MYT1L: variants seen among roughly 807,000 people sequenced by gnomAD.
MYT1L encodes myelin transcription factor 1-like protein.
In MYT1L, 12 loss-of-function variants were observed where a neutral mutation model predicts 126.7. That is an observed-to-expected ratio of 0.09 (90% confidence interval 0.06 to 0.15). MYT1L has a LOEUF of 0.15. MYT1L is among the 10% of genes least tolerant of loss of function. The pLI is 1.00. For missense variants in MYT1L, 979 were observed against 1,585.2 expected (o/e 0.62, Z 6.49); for synonymous variants, 541 against 604.2 (o/e 0.90, Z 1.53).
chr2:1,996,138 C>T (rs555374470), intron 5 of MYT1L, among the ~76,000 whole-genome samples: 1 of 152,308 alleles, frequency 6.6e-6, no homozygotes, highest in East Asian at 1.9e-4. Flanking sequence ...GGTTTGTGGA[C>T]AATGTGGTCT....
chr2:1,886,207 T>C (rs2048152625), intron 18 of MYT1L: 1 of 221,322 alleles, frequency 4.5e-6, no homozygotes, highest in Non-Finnish European at 8.8e-6. Flanking sequence ...TTTGATTATT[T>C]ACAGTCATTT....
At chr2:2,185,557 A>G (rs2092034848) in intron 2 of MYT1L, among the ~76,000 whole-genome samples, 1 of 141,654 alleles carries the variant, frequency 7.1e-6, no homozygotes, top group Non-Finnish European at 1.5e-5. Flanking sequence ...GGCCTCCTCG[A>G]GTCCCGCGTT....
At position 1,806,206 on chromosome 2, in the gene MYT1L, T is replaced by G. The variant is rs1257030414; in HGVS notation, c.3172+2870A>C. Among the ~76,000 whole-genome samples the G allele has an allele frequency of 6.6e-6, 1 of 152,154 alleles. No individual in the cohort carries two copies. The highest frequency in any genetic ancestry group is 1.5e-5 in the Non-Finnish European group (1 of 68,022). On this transcript the variant is annotated intron_variant, in intron 22 of 24. Transcript: ENST00000647738. The surrounding 1 kb of genome is among the most constrained non-coding windows in gnomAD (Gnocchi z 4.9). ...CTATCTCAGTTTGGTGCAAACAGTG[T>G]CAGGAATCGACAGCCCCAGGCATCA...
At chr2:2,276,876 G>C (rs567225141) in intron 2 of MYT1L, among the ~76,000 whole-genome samples, 1 of 152,078 alleles carries the variant, frequency 6.6e-6, no homozygotes, top group East Asian at 1.9e-4. Context: ...GCATCCAAAG[G>C]AACACTCCTG....
Position 2,004,627 on chromosome 2 carries a change from C to T in MYT1L, c.-157-7280G>A, listed in dbSNP as rs368975408. Among the ~76,000 whole-genome samples the T allele has an allele frequency of 1.9e-3, 238 of 126,244 alleles. 5 individuals are homozygous for T. The highest frequency in any genetic ancestry group is 6.9e-3 in the African/African-American group (223 of 32,482). 82.8% of individuals were successfully genotyped at this position (126,244 alleles called of 152,430 possible). Reference sequence around the variant, plus strand: ...CCTGCAGGCATTCTTTCCTGTGTGCCTTCTTTCCTGCAGGCATTCTTTCCT... The same window carrying T: ...CCTGCAGGCATTCTTTCCTGTGTGCTTTCTTTCCTGCAGGCATTCTTTCCT... On this transcript the variant is annotated intron_variant, in intron 4 of 24. Coordinates refer to ENST00000647738, the MANE Select transcript of MYT1L (RefSeq NM_001303052.2).
chr2:2,017,914 C>T (rs991969429), intron 4 of MYT1L, among the ~76,000 whole-genome samples: 2 of 152,248 alleles, frequency 1.3e-5, no homozygotes, highest in East Asian at 3.9e-4. Context: ...ATTTAAGTAC[C>T]TGTTTCACCT....
intron 8 of MYT1L, among the ~76,000 whole-genome samples, chr2:1,960,177 C>A (rs529890083): frequency 1.3e-5 from 2 of 152,088 alleles, no homozygotes; most frequent in Non-Finnish European, 2.9e-5. Flanking sequence ...AGTGGAAAGA[C>A]GACATACAAG....
intron 2 of MYT1L, among the ~76,000 whole-genome samples, chr2:2,262,939 G>GACATATATATATATATATATATATAT (rs1466512652): frequency 3.8e-5 from 2 of 51,992 alleles, no homozygotes; most frequent in African/African-American, 1.7e-4. Flanking sequence ...TATAACCTGT[G>GACATATATATATATATATATATATAT]ATATATATAT....
chr2:1,792,055 T>C (rs1275605134), intron 24 of MYT1L, 48 bp from the exon 25 acceptor site: 2 of 1,394,004 alleles, frequency 1.4e-6, no homozygotes, highest in South Asian at 1.4e-5. Flanking sequence ...ATTTTCTTAA[T>C]AGTATATTTA....
chr2:2,252,186 G>A (rs1335694842), intron 2 of MYT1L, among the ~76,000 whole-genome samples: 2 of 152,126 alleles, frequency 1.3e-5, no homozygotes, highest in Non-Finnish European at 2.9e-5. Flanking sequence ...CGTTCTCAAG[G>A]AGGGTGTCCA....
intron 19 of MYT1L, among the ~76,000 whole-genome samples, chr2:1,843,214 T>C (rs1278964078): frequency 6.6e-6 from 1 of 152,240 alleles, no homozygotes; most frequent in Non-Finnish European, 1.5e-5. Flanking sequence ...CTGGCTGTCC[T>C]CACAGTGCGG....
chr2:2,061,331 C>A (rs1027397150), intron 3 of MYT1L, among the ~76,000 whole-genome samples: 10 of 152,188 alleles, frequency 6.6e-5, no homozygotes, highest in African/African-American at 2.4e-4. Context: ...AGGGGCTTAA[C>A]CTCTGGTGAC....
chr2:2,186,525 A>C (rs572412917), intron 2 of MYT1L, among the ~76,000 whole-genome samples: 1 of 152,176 alleles, frequency 6.6e-6, no homozygotes, highest in African/African-American at 2.4e-5. Context: ...CTTTGCCCCC[A>C]TCACTACCAT....
At chr2:2,221,841 G>A (rs781495023) in intron 2 of MYT1L, among the ~76,000 whole-genome samples, 7 of 152,150 alleles carry the variant, frequency 4.6e-5, no homozygotes, top group Admixed American at 2.0e-4. Flanking sequence ...TTTAATTTTC[G>A]AAGGAGCAGA....
chr2:2,013,319 C>G (rs758066870), intron 4 of MYT1L, among the ~76,000 whole-genome samples: 124 of 152,128 alleles, frequency 8.2e-4, no homozygotes, highest in Non-Finnish European at 1.4e-3. Flanking sequence ...ATGGGAACCC[C>G]CTTTGTGCCC....
intron 21 of MYT1L, among the ~76,000 whole-genome samples, chr2:1,817,496 G>T (rs1256264926): frequency 6.6e-6 from 1 of 152,242 alleles, no homozygotes; most frequent in African/African-American, 2.4e-5. Flanking sequence ...CCTTCAGCAA[G>T]AGTTTGGGAA....
chr2:1,795,072 C>T (rs575043292), intron 23 of MYT1L, among the ~76,000 whole-genome samples: 1 of 152,310 alleles, frequency 6.6e-6, no homozygotes, highest in African/African-American at 2.4e-5. Context: ...CACGAAGGGC[C>T]CCGGGCTTCT....
intron 1 of MYT1L, chr2:2,324,662 C>G (rs2096222260): frequency 6.5e-6 from 1 of 152,750 alleles, no homozygotes; most frequent in South Asian, 2.1e-4. Context: ...AGCAGACAGA[C>G]AGCGCCGGGC....
intron 3 of MYT1L, among the ~76,000 whole-genome samples, chr2:2,154,255 A>G (rs1484932420): frequency 6.6e-6 from 1 of 152,138 alleles, no homozygotes; most frequent in Non-Finnish European, 1.5e-5. Flanking sequence ...CCCACTCACC[A>G]TCTGTTGGGT....
Sources: gnomAD v4.1 joint callset for allele counts (sites outside exome capture counted in the v4.1 genomes callset) on GRCh38, gnomAD v4.1.1 for gene constraint, Gnocchi (gnomAD v3.1) non-coding constraint, MANE v1.5 for transcripts, NCBI Gene and HGNC (gene_info 2026-07-23, HGNC 2026-07-21) for gene names.